The following ANKRD45 variants were observed in gnomAD, a reference collection of about 807,000 sequenced individuals.
The protein encoded by ANKRD45 is ankyrin repeat domain 45, also known as ankyrin repeat domain-containing protein 45.
Under a neutral mutation model 28.1 loss-of-function variants are expected in ANKRD45, and 21 were observed. The ratio of observed to expected loss-of-function variants is 0.75; its 90% confidence interval spans 0.53 to 1.08. ANKRD45 has a LOEUF of 1.08. Ranked by LOEUF, ANKRD45 falls within the 50% of genes least tolerant of loss-of-function variation. The pLI is 0.00. For synonymous variants in ANKRD45, 86 were observed against 103.9 expected (o/e 0.83, Z 1.05); for missense variants, 261 against 308.7 (o/e 0.85, Z 1.16).
At chr1:173,688,632 CTT>C in the ANKRD45 span, among the ~76,000 whole-genome samples, 1 of 126,068 alleles carries the variant, frequency 7.9e-6, no homozygotes, top group Non-Finnish European at 1.9e-5. Flanking sequence ...GCCTCTTCCT[CTT>C]TCTGCCTCTT....
At chr1:173,701,043 C>A in the ANKRD45 span, among the ~76,000 whole-genome samples, 1 of 152,230 alleles carries the variant, frequency 6.6e-6, no homozygotes, top group African/African-American at 2.4e-5. Flanking sequence ...GAAGACATTT[C>A]TGCAGCCAGC....
chr1:173,706,075 C>T, the ANKRD45 span, among the ~76,000 whole-genome samples: 37 of 151,988 alleles, frequency 2.4e-4, no homozygotes, highest in Non-Finnish European at 4.9e-4. Context: ...GAGGCCGAGG[C>T]GGGTGGATCA....
the ANKRD45 span, among the ~76,000 whole-genome samples, chr1:173,697,864 G>C: frequency 6.6e-6 from 1 of 151,978 alleles, no homozygotes; most frequent in Non-Finnish European, 1.5e-5. Context: ...AAAAGACACA[G>C]ACTAGCAAAT....
intron 3 of ANKRD45, among the ~76,000 whole-genome samples, chr1:173,628,832 C>T (rs761450469): frequency 2.0e-4 from 30 of 152,192 alleles, no homozygotes; most frequent in Non-Finnish European, 4.1e-4. Context: ...GGGCAAGACC[C>T]AGTGCCATGC....
chr1:173,700,998 A>C, the ANKRD45 span, among the ~76,000 whole-genome samples: 1 of 152,256 alleles, frequency 6.6e-6, no homozygotes, highest in African/African-American at 2.4e-5. Context: ...CCCATCAAAA[A>C]GTGGGCAAAG....
chr1:173,713,246 T>C, the ANKRD45 span, among the ~76,000 whole-genome samples: 1 of 152,176 alleles, frequency 6.6e-6, no homozygotes, highest in South Asian at 2.1e-4. Context: ...CTTTGCAAAC[T>C]GAAACCCCCT....
chr1:173,613,004 G>A (rs7417715), intron 5 of ANKRD45, among the ~76,000 whole-genome samples: 24,556 of 151,938 alleles, frequency 0.16, 2,223 homozygotes, highest in Middle Eastern at 0.32. Flanking sequence ...GCCTCTGCCC[G>A]GCCGCCACCC....
upstream of ANKRD45, among the ~76,000 whole-genome samples, chr1:173,671,445 C>T (rs1670254693): frequency 6.6e-6 from 1 of 152,136 alleles, no homozygotes; most frequent in African/African-American, 2.4e-5. Context: ...AAGTGTCATG[C>T]ATAGAACTGC....
intron 2 of ANKRD45, among the ~76,000 whole-genome samples, chr1:173,653,549 T>A (rs892272854): frequency 2.6e-5 from 4 of 152,224 alleles, no homozygotes; most frequent in Non-Finnish European, 5.9e-5. Context: ...AAGTGTGATA[T>A]GGTACTGAGA....
At chr1:173,688,587 T>TCTCTCTCTCTCTGCCTCTTC in the ANKRD45 span, among the ~76,000 whole-genome samples, 3 of 148,744 alleles carry the variant, frequency 2.0e-5, 1 homozygote, top group African/African-American at 7.5e-5. Flanking sequence ...CCGCTTCCTC[T>TCTCTCTCTCTCTGCCTCTTC]CTCTCTCTCT....
intron 5 of ANKRD45, among the ~76,000 whole-genome samples, chr1:173,613,711 C>T (rs1056064103): frequency 1.3e-5 from 2 of 152,072 alleles, no homozygotes; most frequent in Non-Finnish European, 1.5e-5. Flanking sequence ...TCTGCCCGGC[C>T]GCCCCTTCTG....
intron 3 of ANKRD45, among the ~76,000 whole-genome samples, chr1:173,631,158 A>G (rs2102333294): frequency 6.6e-6 from 1 of 152,308 alleles, no homozygotes; most frequent in Admixed American, 6.5e-5. Context: ...GGAAACCAAT[A>G]AAGAGCAGGA....
chr1:173,616,329 G>GA (rs997499622), intron 5 of ANKRD45, among the ~76,000 whole-genome samples: 1 of 150,876 alleles, frequency 6.6e-6, no homozygotes, highest in African/African-American at 2.4e-5. Flanking sequence ...CCTGCCCCCA[G>GA]AAAAAAAAGT....
chr1:173,671,586 T>A (rs1243672671), upstream of ANKRD45, among the ~76,000 whole-genome samples: 1 of 151,704 alleles, frequency 6.6e-6, no homozygotes, highest in African/African-American at 2.4e-5. Flanking sequence ...TATAAAACCC[T>A]AAGGCCGGGC....
upstream of ANKRD45, among the ~76,000 whole-genome samples, chr1:173,672,174 T>G (rs933691687): frequency 6.6e-6 from 1 of 152,170 alleles, no homozygotes; most frequent in African/African-American, 2.4e-5. Context: ...AAATTTGAAT[T>G]TTTTCAAATG....
chr1:173,710,205 C>T, the ANKRD45 span, among the ~76,000 whole-genome samples: 2 of 152,086 alleles, frequency 1.3e-5, no homozygotes, highest in Non-Finnish European at 2.9e-5. Flanking sequence ...GTGGAACACT[C>T]CTGTGGTCCC....
At chr1:173,698,907 A>T in the ANKRD45 span, among the ~76,000 whole-genome samples, 18 of 152,144 alleles carry the variant, frequency 1.2e-4, no homozygotes, top group African/African-American at 4.1e-4. Context: ...AAGATCAACA[A>T]AATTGATAGA....
At chr1:173,654,124 T>C (rs1015366353) in intron 2 of ANKRD45, among the ~76,000 whole-genome samples, 15 of 152,150 alleles carry the variant, frequency 9.9e-5, no homozygotes, top group African/African-American at 3.4e-4. Flanking sequence ...TATGTGTGAC[T>C]CTGATCCTGA....
intron 3 of ANKRD45, among the ~76,000 whole-genome samples, chr1:173,636,565 C>A (rs917561467): frequency 6.6e-6 from 1 of 152,110 alleles, no homozygotes; most frequent in African/African-American, 2.4e-5. Context: ...CAAGAGAGTA[C>A]CCTAAACATA....
Sources: gnomAD v4.1 joint callset for allele counts (sites outside exome capture counted in the v4.1 genomes callset) on GRCh38, gnomAD v4.1.1 for gene constraint, MANE v1.5 for transcripts, NCBI Gene and HGNC (gene_info 2026-07-23, HGNC 2026-07-21) for gene names.